Variants in ZDHHC17 observed in about 807,000 individuals in gnomAD.
The protein encoded by ZDHHC17 is zDHHC palmitoyltransferase 17, also known as palmitoyltransferase ZDHHC17.
In ZDHHC17, 40 loss-of-function variants were observed where a neutral mutation model predicts 90.3. The observed-to-expected ratio is 0.44, with a 90% CI of 0.34 to 0.58. ZDHHC17 has a LOEUF of 0.58. Among genes scored for constraint, ZDHHC17 ranks in the 20% least tolerant of loss-of-function variants. The pLI, the probability that ZDHHC17 is intolerant of heterozygous loss-of-function variation, is 0.01. For synonymous variants in ZDHHC17, 235 were observed against 252.4 expected (o/e 0.93, Z 0.65); for missense variants, 614 against 780.8 (o/e 0.79, Z 2.55).
At chr12:76,809,914 C>G in intron 5 of ZDHHC17, 57 bp downstream of exon 5, 1 of 1,542,902 alleles carries the variant, frequency 6.5e-7, no homozygotes, top group Non-Finnish European at 8.8e-7. Flanking sequence ...AGTTTAAATG[C>G]CTAATATTAT....
intron 10 of ZDHHC17, among the ~76,000 whole-genome samples, chr12:76,835,345 C>T (rs879728888): frequency 2.6e-5 from 4 of 152,088 alleles, no homozygotes; most frequent in Non-Finnish European, 4.4e-5. Context: ...GCTACCATGT[C>T]CAGCCAGTCT....
At chr12:76,844,555 T>G (rs1953471833) in intron 12 of ZDHHC17, 1 of 152,120 alleles carries the variant, frequency 6.6e-6, no homozygotes, top group Non-Finnish European at 1.5e-5. Context: ...AGTTAGTCTG[T>G]TTTTCAGATT....
In ZDHHC17 at chr12:76,773,949, A is replaced by T. The variant is rs549845277; in HGVS notation, c.93+9620A>T. ...ATTCTTTTGCTTAGTATACATTAAT[A>T]AGGTAAAATATACTTCTGGCTGAGT... On this transcript the variant is annotated intron_variant, in intron 1 of 16. Coordinates refer to ENST00000426126, the MANE Select transcript of ZDHHC17 (RefSeq NM_015336.4). Among the ~76,000 whole-genome samples, 4 of 152,288 alleles carry T rather than the reference A, an allele frequency of 2.6e-5. No individual in the cohort carries two copies. The East Asian group carries it at 7.7e-4, about 29-fold the overall frequency.
intron 10 of ZDHHC17, among the ~76,000 whole-genome samples, chr12:76,834,722 T>TTTTTCCCTCC (rs1953343727): frequency 6.6e-6 from 1 of 152,232 alleles, no homozygotes. Context: ...TGCATTTGAC[T>TTTTTCCCTCC]ACTGTAAATG....
intron 10 of ZDHHC17, among the ~76,000 whole-genome samples, chr12:76,832,180 G>A (rs1307795743): frequency 6.6e-6 from 1 of 152,180 alleles, no homozygotes; most frequent in Non-Finnish European, 1.5e-5. Flanking sequence ...CACAGAGTAG[G>A]TTATAATGGA....
At chr12:76,781,906 T>C (rs1952631259) in intron 1 of ZDHHC17, among the ~76,000 whole-genome samples, 1 of 152,196 alleles carries the variant, frequency 6.6e-6, no homozygotes. Context: ...GGGTAAGTAC[T>C]GTATGATGTA....
chr12:76,818,825 T>G (rs1592486095), intron 7 of ZDHHC17, among the ~76,000 whole-genome samples: 2 of 152,342 alleles, frequency 1.3e-5, no homozygotes, highest in South Asian at 4.1e-4. Context: ...ATGGGAAACA[T>G]TTGAAAGGAT....
At chr12:76,844,236 A>T (rs1014570731) in intron 12 of ZDHHC17, 1 of 152,186 alleles carries the variant, frequency 6.6e-6, no homozygotes, top group Admixed American at 6.5e-5. Flanking sequence ...TTTTGTCATC[A>T]TAGCATAAAT....
intron 1 of ZDHHC17, among the ~76,000 whole-genome samples, chr12:76,786,088 G>C (rs960917839): frequency 6.6e-6 from 1 of 151,244 alleles, no homozygotes; most frequent in Non-Finnish European, 1.5e-5. Context: ...AATCAAGGGG[G>C]AATTAGTTTT....
At chr12:76,771,030 T>C (rs1159318089) in intron 1 of ZDHHC17, among the ~76,000 whole-genome samples, 1 of 152,138 alleles carries the variant, frequency 6.6e-6, no homozygotes. Context: ...AAATTCTCTT[T>C]CAGCGCATTA....
At chr12:76,791,309 A>T (rs1952756820) in intron 1 of ZDHHC17, among the ~76,000 whole-genome samples, 1 of 152,190 alleles carries the variant, frequency 6.6e-6, no homozygotes, top group South Asian at 2.1e-4. Flanking sequence ...ATGAACAATA[A>T]GCATTCCTTT....
At chr12:76,824,340 A>T (rs543751409) in intron 8 of ZDHHC17, among the ~76,000 whole-genome samples, 1 of 152,196 alleles carries the variant, frequency 6.6e-6, no homozygotes, top group African/African-American at 2.4e-5. Context: ...ATTTTTATAA[A>T]GGTTCCTTTT....
At chr12:76,806,991 A>G (rs1200090508) in intron 3 of ZDHHC17, among the ~76,000 whole-genome samples, 1 of 152,200 alleles carries the variant, frequency 6.6e-6, no homozygotes, top group East Asian at 1.9e-4. Context: ...TTGAGGGTAA[A>G]GGTGCACTAA....
intron 1 of ZDHHC17, among the ~76,000 whole-genome samples, chr12:76,785,289 G>A (rs1952671889): frequency 6.6e-6 from 1 of 152,124 alleles, no homozygotes; most frequent in Non-Finnish European, 1.5e-5. Flanking sequence ...ATTTACAAAA[G>A]TGTCTTGAAC....
chr12:76,790,544 A>G (rs549488322), intron 1 of ZDHHC17, among the ~76,000 whole-genome samples: 2 of 152,346 alleles, frequency 1.3e-5, no homozygotes, highest in Admixed American at 6.5e-5. Flanking sequence ...GTGGAAAGAC[A>G]TTATAATACA....
At chr12:76,768,987 A>C (rs138108384) in intron 1 of ZDHHC17, 42 of 211,758 alleles carry the variant, frequency 2.0e-4, no homozygotes, top group African/African-American at 9.8e-4. Context: ...TTCTGTTTGA[A>C]TATTAAATCA....
At chr12:76,791,074 A>G (rs936056440) in intron 1 of ZDHHC17, among the ~76,000 whole-genome samples, 3 of 152,210 alleles carry the variant, frequency 2.0e-5, no homozygotes, top group Admixed American at 2.0e-4. Flanking sequence ...TCTGTATCCC[A>G]TAAATATGTA....
chr12:76,817,537 A>G (rs924710226), intron 7 of ZDHHC17, among the ~76,000 whole-genome samples: 5 of 152,134 alleles, frequency 3.3e-5, no homozygotes, highest in Non-Finnish European at 7.4e-5. Context: ...TATGACAGTA[A>G]GATGACTACA....
chr12:76,786,627 G>T (rs1253927219), intron 1 of ZDHHC17, among the ~76,000 whole-genome samples: 3 of 152,102 alleles, frequency 2.0e-5, no homozygotes, highest in Non-Finnish European at 4.4e-5. Flanking sequence ...GGCCGCATGT[G>T]GTCCTTCCCC....
Sources: gnomAD v4.1 joint callset for allele counts (sites outside exome capture counted in the v4.1 genomes callset) on GRCh38, gnomAD v4.1.1 for gene constraint, MANE v1.5 for transcripts, NCBI Gene and HGNC (gene_info 2026-07-23, HGNC 2026-07-21) for gene names.